The following CDK5RAP2 variants were observed in gnomAD, a reference collection of about 807,000 sequenced individuals.
The protein encoded by CDK5RAP2 is CDK5 regulatory subunit-associated protein 2.
A neutral mutation model predicts 232.9 loss-of-function variants in CDK5RAP2; 147 were observed. That is an observed-to-expected ratio of 0.63 (90% CI 0.55 to 0.72). The LOEUF is 0.72. Among genes scored for constraint, CDK5RAP2 ranks in the 30% least tolerant of loss-of-function variants. The probability of loss-of-function intolerance (pLI) is 0.00; values close to 1 mark genes in which losing one functional copy is unlikely to be tolerated. For missense variants in CDK5RAP2, 2,195 were observed against 2,231.5 expected (o/e 0.98, Z 0.33); for synonymous variants, 833 against 833.7 (o/e 1.00, Z 0.01).
intron 7 of CDK5RAP2, among the ~76,000 whole-genome samples, chr9:120,533,280 T>G (rs951596630): frequency 6.6e-6 from 1 of 152,130 alleles, no homozygotes; most frequent in African/African-American, 2.4e-5. Flanking sequence ...CCACACTCAG[T>G]AGTTGGTTAA....
At chr9:120,528,299 C>T (rs2040996609) in intron 9 of CDK5RAP2, among the ~76,000 whole-genome samples, 1 of 90,998 alleles carries the variant, frequency 1.1e-5, no homozygotes, top group Non-Finnish European at 2.2e-5. Context: ...CTGAACTATA[C>T]ATTTATAGTC....
chr9:120,403,982 A>C lies in CDK5RAP2; in HGVS notation c.5041+54T>G. 8.1e-7 allele frequency: 1 copy of C among 1,237,750 alleles called. No individual in the cohort carries two copies. The highest frequency in any genetic ancestry group is 2.3e-5 in the East Asian group (1 of 43,160). The allele number at this position is 1,237,750 out of a possible 1,614,324, so 76.7% of individuals were successfully genotyped here. ...GACCCCCCTTTTCTGCAAGTTAAAAAGTCTTACTGTCACATCCAATGCTCC... is the reference window on the plus strand; with the variant it reads ...GACCCCCCTTTTCTGCAAGTTAAAACGTCTTACTGTCACATCCAATGCTCC... On this transcript the variant is annotated intron_variant, in intron 33 of 37. Coordinates refer to ENST00000349780, the MANE Select transcript of CDK5RAP2 (RefSeq NM_018249.6). This position sits in a 1 kb window ranked among gnomAD's most constrained non-coding sequence, Gnocchi z 4.2.
intron 12 of CDK5RAP2, among the ~76,000 whole-genome samples, chr9:120,507,604 T>C (rs995356081): frequency 6.6e-6 from 1 of 152,072 alleles, no homozygotes; most frequent in African/African-American, 2.4e-5. Flanking sequence ...GAAAATTATA[T>C]TTTATTTCAA....
intron 3 of CDK5RAP2, among the ~76,000 whole-genome samples, chr9:120,561,134 A>T (rs1262066933): frequency 1.3e-5 from 2 of 152,154 alleles, no homozygotes; most frequent in Non-Finnish European, 2.9e-5. Flanking sequence ...TCTCTAGTAA[A>T]CAATACTGCA....
intron 12 of CDK5RAP2, among the ~76,000 whole-genome samples, chr9:120,501,700 C>G (rs1436456378): frequency 1.3e-5 from 2 of 152,122 alleles, no homozygotes; most frequent in African/African-American, 2.4e-5. Context: ...CGACAAGGTA[C>G]CAGACATATG....
chr9:120,389,873 C>A lies in CDK5RAP2; in HGVS notation c.5579-86G>T. On this transcript the variant is annotated intron_variant, in intron 36 of 37. Coordinates refer to ENST00000349780, the MANE Select transcript of CDK5RAP2 (RefSeq NM_018249.6). The stretch of plus-strand genomic sequence containing the variant: ...AAGCCAAGTGCAGGGAGGATGAACC[C>A]CACCCCAAAGGGCTCGGACATGTAG... The A allele has an allele frequency of 3.9e-6, 5 of 1,270,616 alleles. No homozygotes were observed. The South Asian group carries it at 6.0e-5, about 15-fold the overall frequency. 78.7% of individuals were successfully genotyped at this position (1,270,616 alleles called of 1,614,324 possible). A position where few individuals can be genotyped will look rare whatever the true frequency, so the allele number is the denominator to read the frequency against.
At chr9:120,422,590 G>A (rs1307752372) in intron 26 of CDK5RAP2, 103 bp downstream of exon 26, 1 of 857,288 alleles carries the variant, frequency 1.2e-6, no homozygotes. Flanking sequence ...CAAGAAGCAG[G>A]AAACAAACAG....
intron 17 of CDK5RAP2, among the ~76,000 whole-genome samples, chr9:120,469,618 G>A (rs1160731955): frequency 6.6e-6 from 1 of 152,130 alleles, no homozygotes; most frequent in African/African-American, 2.4e-5. Context: ...TTTAAAAAAA[G>A]ATTTATTGAT....
At chr9:120,452,756 C>T (rs10984918) in intron 21 of CDK5RAP2, among the ~76,000 whole-genome samples, 13,487 of 151,512 alleles carry the variant, frequency 0.089, 765 homozygotes, top group Middle Eastern at 0.16. Flanking sequence ...TCAACAAACC[C>T]GGGTTGGAAG....
At chr9:120,397,544 T>TAAAAAAAAAAAAAAAAAAAAAAAAA (rs760469422) in intron 35 of CDK5RAP2, among the ~76,000 whole-genome samples, 1 of 49,186 alleles carries the variant, frequency 2.0e-5, no homozygotes, top group Non-Finnish European at 3.7e-5. Flanking sequence ...AAAACATTCT[T>TAAAAAAAAAAAAAAAAAAAAAAAAA]AAAAAAAAAA....
At chr9:120,510,444 A>G (rs2040024997) in intron 12 of CDK5RAP2, among the ~76,000 whole-genome samples, 1 of 152,154 alleles carries the variant, frequency 6.6e-6, no homozygotes, top group East Asian at 1.9e-4. Flanking sequence ...AAGGAGAACA[A>G]AAAAACCTTA....
chr9:120,516,926 T>A (rs781676017), intron 12 of CDK5RAP2, among the ~76,000 whole-genome samples: 1 of 152,216 alleles, frequency 6.6e-6, no homozygotes, highest in Non-Finnish European at 1.5e-5. Flanking sequence ...AATATCCTTA[T>A]GTCAAAAGAT....
intron 31 of CDK5RAP2, 94 bp downstream of exon 31, chr9:120,408,253 G>A (rs41313853): frequency 6.8e-7 from 1 of 1,464,132 alleles, no homozygotes; most frequent in South Asian, 1.1e-5. Context: ...AGAGTGGAGA[G>A]GGCTGAGCTC....
intron 7 of CDK5RAP2, among the ~76,000 whole-genome samples, chr9:120,530,405 C>T (rs1459765498): frequency 2.0e-5 from 3 of 152,166 alleles, no homozygotes; most frequent in East Asian, 1.9e-4. Context: ...GTTCAAATAC[C>T]TTCAACGGTC....
chr9:120,538,281 G>A (rs1331073536), intron 6 of CDK5RAP2, among the ~76,000 whole-genome samples: 4 of 152,114 alleles, frequency 2.6e-5, no homozygotes, highest in African/African-American at 9.7e-5. Flanking sequence ...TGCTTTTGGT[G>A]CCATTTCTCT....
At chr9:120,486,196 C>T (rs1373272019) in intron 14 of CDK5RAP2, among the ~76,000 whole-genome samples, 1 of 152,132 alleles carries the variant, frequency 6.6e-6, no homozygotes, top group Admixed American at 6.5e-5. Flanking sequence ...TGGTGCCTGG[C>T]ACAGGAGCAG....
rs769061645 is a variant in CDK5RAP2, at chr9:120,403,007, C to T, written c.5106G>A (p.Ser1702=). 24 of 1,614,002 alleles carry T rather than the reference C, an allele frequency of 1.5e-5. No individual in the cohort carries two copies. Among genetic ancestry groups the T allele is most frequent in the African/African-American group, 2.7e-5 (2 of 74,910 alleles). The change falls in exon 34 of 38, where the codon TCG becomes TCA. Residue 1702 remains serine, a synonymous_variant. Coordinates refer to ENST00000349780, the MANE Select transcript of CDK5RAP2 (RefSeq NM_018249.6). The surrounding 1 kb of genome is among the most constrained non-coding windows in gnomAD (Gnocchi z 4.2). ...GGGACACACACGGAGTGCTAGTTGC[C>T]GAACTGCCACTGTCGCAGGAGAGGG... is the stretch of plus-strand genomic sequence containing the variant. The part of the protein sequence containing the change: ...TDSLSCDSGS[S]ATSTPCVSRL...
At chr9:120,452,704 A>G (rs1381679816) in intron 21 of CDK5RAP2, among the ~76,000 whole-genome samples, 2 of 151,160 alleles carry the variant, frequency 1.3e-5, no homozygotes, top group Non-Finnish European at 2.9e-5. Context: ...GAGCTTAGAG[A>G]CAGTATCTAA....
At chr9:120,486,369 T>G (rs944326472) in intron 14 of CDK5RAP2, among the ~76,000 whole-genome samples, 1 of 151,488 alleles carries the variant, frequency 6.6e-6, no homozygotes, top group African/African-American at 2.4e-5. Flanking sequence ...GTTCTCTATC[T>G]TCCAAATGTA....
Sources: gnomAD v4.1 joint callset for allele counts (sites outside exome capture counted in the v4.1 genomes callset) on GRCh38, gnomAD v4.1.1 for gene constraint, Gnocchi (gnomAD v3.1) non-coding constraint, MANE v1.5 for transcripts, NCBI Gene and HGNC (gene_info 2026-07-23, HGNC 2026-07-21) for gene names.